The following ITSN1 variants were observed in gnomAD, a reference collection of about 807,000 sequenced individuals.
The protein encoded by ITSN1 is intersectin-1.
In ITSN1, 58 loss-of-function variants were observed where a neutral mutation model predicts 239.8. That is an observed-to-expected ratio of 0.24 (90% CI 0.20 to 0.30). The LOEUF is 0.30. Ranked by LOEUF, ITSN1 falls within the 10% of genes least tolerant of loss-of-function variation. The pLI is 1.00. For synonymous variants in ITSN1, 780 were observed against 770.8 expected (o/e 1.01, Z -0.20); for missense variants, 1,558 against 2,103.3 (o/e 0.74, Z 5.07).
intron 1 of ITSN1, among the ~76,000 whole-genome samples, chr21:33,661,699 G>C (rs1647185648): frequency 1.3e-5 from 2 of 152,136 alleles, no homozygotes; most frequent in African/African-American, 4.8e-5. Context: ...GGAGATAACT[G>C]AATCATGGGG....
intron 18 of ITSN1, among the ~76,000 whole-genome samples, chr21:33,798,191 G>A (rs2071708316): frequency 6.6e-6 from 1 of 151,984 alleles, no homozygotes; most frequent in Non-Finnish European, 1.5e-5. Flanking sequence ...TCAAACTCTT[G>A]GGTTCAAGCA....
At chr21:33,723,389 C>T (rs1350479922) in intron 4 of ITSN1, among the ~76,000 whole-genome samples, 2 of 152,172 alleles carry the variant, frequency 1.3e-5, no homozygotes, top group Non-Finnish European at 2.9e-5. Flanking sequence ...CCGAGGCGGG[C>T]GGATCACGAG....
rs367835356 is a variant in ITSN1, at chr21:33,796,372, A to G, written c.1953-1007A>G. On this transcript the variant is annotated intron_variant, in intron 17 of 39. Coordinates refer to ENST00000381318, the MANE Select transcript of ITSN1 (RefSeq NM_003024.3). ...TTAAAAGACATTTTAAAAATTGTAA[A>G]TAAAATGTTTAAGATTTAAGTTTAA... Among the ~76,000 whole-genome samples the G allele has an allele frequency of 4.6e-5, 7 of 152,366 alleles. No homozygotes were observed. In the East Asian group the frequency reaches 9.6e-4, roughly 21 times the overall value.
rs117746218 is a variant in ITSN1, at chr21:33,729,644, G to A, written c.186-5400G>A. Reference sequence around the variant, plus strand: ...ATTTTGATGGCTTCAGTATTTAAAGGGAACAGGTAGGCTGGAGGGCAAAGA... The same window carrying A: ...ATTTTGATGGCTTCAGTATTTAAAGAGAACAGGTAGGCTGGAGGGCAAAGA... On this transcript the variant is annotated intron_variant, in intron 4 of 39. Transcript: ENST00000381318. 4.3e-4 allele frequency among the ~76,000 whole-genome samples: 66 copies of A among 152,234 alleles called. No individual in the cohort carries two copies. In the East Asian group the frequency reaches 0.012, roughly 28 times the overall value.
At chr21:33,817,576 T>G in intron 22 of ITSN1, 1 of 1,301,442 alleles carries the variant, frequency 7.7e-7, no homozygotes, top group South Asian at 1.2e-5. Flanking sequence ...TCCCCATTAC[T>G]TGTGAATTAC....
intron 5 of ITSN1, among the ~76,000 whole-genome samples, chr21:33,739,024 A>G (rs562662365): frequency 1.5e-4 from 23 of 152,178 alleles, no homozygotes; most frequent in Admixed American, 9.2e-4. Context: ...CAAACTCCTA[A>G]TCTCAAGTAA....
Position 33,823,470 on chromosome 21 carries a change from A to G in ITSN1, c.3017-17A>G, listed in dbSNP as rs776600032. 5.6e-6 allele frequency: 9 copies of G among 1,609,278 alleles called. No individual in the cohort carries two copies. Among genetic ancestry groups the G allele is most frequent in the East Asian group, 2.2e-5 (1 of 44,872 alleles). ...ACAATCAAGCTCTCTCCGTATCTCA[A>G]TATTTCTCCCCACCAGAATTTATTG... On this transcript the variant is annotated splice_polypyrimidine_tract_variant and intron_variant, in intron 24 of 39. Transcript: ENST00000381318.
intron 23 of ITSN1, 45 bp from the exon 24 acceptor site, chr21:33,819,196 C>G: frequency 7.0e-7 from 1 of 1,424,802 alleles, no homozygotes; most frequent in Non-Finnish European, 9.8e-7. Context: ...GTACGATTTT[C>G]TTTGAAGATA....
intron 33 of ITSN1, among the ~76,000 whole-genome samples, chr21:33,874,654 C>CT (rs58398933): frequency 0.027 from 3,865 of 142,742 alleles, 112 homozygotes; most frequent in African/African-American, 0.053. Flanking sequence ...CTTTTTCTTT[C>CT]TTTTTTTTTT....
At position 33,811,149 on chromosome 21, in the gene ITSN1, A is replaced by AC. The variant is rs1569228867; in HGVS notation, c.2499dup (p.Ala834ArgfsTer15). The AC allele has an allele frequency of 6.2e-7, 1 of 1,602,330 alleles. No individual in the cohort carries two copies. The highest frequency in any genetic ancestry group is 1.7e-5 in the Admixed American group (1 of 58,888). Reference sequence around the variant, plus strand: ...TGCCCCCAAACTGGCCTTGCGTGAGACCCCCGCCCCTTTGGCAGTAACCTC... The same window carrying AC: ...TGCCCCCAAACTGGCCTTGCGTGAGACCCCCCGCCCCTTTGGCAGTAACCTC... On this transcript the variant is annotated frameshift_variant, in exon 21 of 40. Coordinates refer to ENST00000381318, the MANE Select transcript of ITSN1 (RefSeq NM_003024.3). LOFTEE classifies it high-confidence loss of function.
chr21:33,806,223 T>A (rs1309035421), intron 20 of ITSN1, among the ~76,000 whole-genome samples: 1 of 151,894 alleles, frequency 6.6e-6, no homozygotes, highest in African/African-American at 2.4e-5. Flanking sequence ...AAACAAAGAC[T>A]TTTAATATCC....
rs184355929 is a variant in ITSN1 at position 33,679,614 on chromosome 21, A to G, written c.-33+36901A>G. On this transcript the variant is annotated intron_variant, in intron 1 of 39. Transcript: ENST00000381318. ...GGATTATAGGTTTTAGGAAAATAAA[A>G]TTTATCGTATTGACAGTTTTTGCCT... 1.1e-4 allele frequency among the ~76,000 whole-genome samples: 16 copies of G among 151,278 alleles called. No homozygotes were observed. The East Asian group carries it at 2.9e-3, about 27-fold the overall frequency.
chr21:33,816,204 A>G (rs937096045), intron 22 of ITSN1, among the ~76,000 whole-genome samples: 1 of 152,142 alleles, frequency 6.6e-6, no homozygotes. Flanking sequence ...AAAAAAAAAA[A>G]AAGAATTGCC....
chr21:33,687,101 T>TGGGC (rs2091278698), intron 1 of ITSN1, among the ~76,000 whole-genome samples: 1 of 151,952 alleles, frequency 6.6e-6, no homozygotes, highest in South Asian at 2.1e-4. Context: ...GAGGCCAAGG[T>TGGGC]GGGCAGATTA....
intron 1 of ITSN1, among the ~76,000 whole-genome samples, chr21:33,707,462 T>C (rs535183084): frequency 6.6e-6 from 1 of 151,424 alleles, no homozygotes; most frequent in African/African-American, 2.5e-5. Flanking sequence ...AGTTTTGACA[T>C]GAGCATATGC....
chr21:33,834,864 A>C (rs1358244319), intron 28 of ITSN1, among the ~76,000 whole-genome samples: 1 of 152,144 alleles, frequency 6.6e-6, no homozygotes, highest in Non-Finnish European at 1.5e-5. Flanking sequence ...CTGAAGACCA[A>C]AATAGCTCCC....
intron 4 of ITSN1, among the ~76,000 whole-genome samples, chr21:33,725,672 A>C (rs977707156): frequency 6.6e-6 from 1 of 152,208 alleles, no homozygotes; most frequent in African/African-American, 2.4e-5. Flanking sequence ...TATAATGACT[A>C]TGTATATTAA....
chr21:33,864,639 TCAAA>T (rs1267302758), intron 31 of ITSN1, among the ~76,000 whole-genome samples: 1 of 152,244 alleles, frequency 6.6e-6, no homozygotes, highest in Admixed American at 6.5e-5. Context: ...CAGAGATACT[TCAAA>T]CAGTCATTTA....
intron 1 of ITSN1, among the ~76,000 whole-genome samples, chr21:33,686,056 A>G (rs1568935047): frequency 6.6e-6 from 1 of 152,220 alleles, no homozygotes; most frequent in Non-Finnish European, 1.5e-5. Context: ...ATTACAACTT[A>G]GAAGGTAATT....
Sources: gnomAD v4.1 joint callset for allele counts (sites outside exome capture counted in the v4.1 genomes callset) on GRCh38, gnomAD v4.1.1 for gene constraint, MANE v1.5 for transcripts, NCBI Gene and HGNC (gene_info 2026-07-23, HGNC 2026-07-21) for gene names.